Variants in SLC23A2 observed in about 807,000 individuals in gnomAD.
SLC23A2 encodes Na(+)/L-ascorbic acid transporter 2.
SLC23A2 carries 36 observed loss-of-function variants against 73.3 expected under a neutral mutation model. That is an observed-to-expected ratio of 0.49 (90% CI 0.38 to 0.65). The LOEUF (loss-of-function observed/expected upper bound fraction) is 0.65, where lower values mean the gene tolerates loss of function less well. Among genes scored for constraint, SLC23A2 ranks in the 30% least tolerant of loss-of-function variants. SLC23A2 has a pLI of 0.00. For missense variants in SLC23A2, 507 were observed against 841.6 expected (o/e 0.60, Z 4.92); for synonymous variants, 343 against 327.3 (o/e 1.05, Z -0.52).
At chr20:4,879,844 A>G in intron 9 of SLC23A2, among the ~76,000 whole-genome samples, 1 of 152,258 alleles carries the variant, frequency 6.6e-6, no homozygotes, top group East Asian at 1.9e-4. Context: ...TCTAAGGAAT[A>G]GTCTGTCAAG....
intron 5 of SLC23A2, among the ~76,000 whole-genome samples, chr20:4,900,716 C>G (rs945232163): frequency 6.6e-6 from 1 of 152,200 alleles, no homozygotes; most frequent in East Asian, 1.9e-4. Context: ...CCAGAAAGAA[C>G]CCCATCCCAC....
At chr20:4,977,221 T>C (rs1239198560) in intron 1 of SLC23A2, among the ~76,000 whole-genome samples, 1 of 152,062 alleles carries the variant, frequency 6.6e-6, no homozygotes, top group Non-Finnish European at 1.5e-5. Context: ...AGGCAGAACA[T>C]CTCTCTCTTT....
intron 2 of SLC23A2, among the ~76,000 whole-genome samples, chr20:4,941,241 C>T (rs191810861): frequency 1.3e-4 from 20 of 151,942 alleles, no homozygotes; most frequent in Admixed American, 6.6e-4. Flanking sequence ...AACAATACGT[C>T]GGTCAGGCAT....
In SLC23A2 at chr20:4,857,318, ACACAC is replaced by A; in HGVS notation, c.1721-119_1721-115del. The A allele has an allele frequency of 1.7e-6, 1 of 592,200 alleles. No individual in the cohort carries two copies. The highest frequency in any genetic ancestry group is 3.0e-6 in the Non-Finnish European group (1 of 334,484). 36.7% of individuals were successfully genotyped at this position (592,200 alleles called of 1,614,324 possible). A position where few individuals can be genotyped will look rare whatever the true frequency, so the allele number is the denominator to read the frequency against. On this transcript the variant is annotated intron_variant, in intron 16 of 16. Transcript: ENST00000338244. The surrounding 1 kb of genome is among the most constrained non-coding windows in gnomAD (Gnocchi z 4.0). ...CACACACACACACACACACACACAC[ACACAC>A]ACACACACACACATGGTCCCACAGA... is the stretch of plus-strand genomic sequence containing the variant.
At chr20:4,871,454 C>T (rs1930444664) in intron 11 of SLC23A2, among the ~76,000 whole-genome samples, 1 of 152,080 alleles carries the variant, frequency 6.6e-6, no homozygotes, top group Admixed American at 6.5e-5. Context: ...GAACGCAGAG[C>T]TCTCATGCAG....
At chr20:4,977,379 AT>A (rs879681786) in intron 1 of SLC23A2, among the ~76,000 whole-genome samples, 3 of 151,170 alleles carry the variant, frequency 2.0e-5, no homozygotes, top group South Asian at 2.1e-4. Flanking sequence ...TATTATTATT[AT>A]TTTTTTTTAA....
At chr20:4,966,768 A>G (rs1436350618) in intron 2 of SLC23A2, among the ~76,000 whole-genome samples, 1 of 149,166 alleles carries the variant, frequency 6.7e-6, no homozygotes. Context: ...CAGGGTAATC[A>G]TAAGATCACA....
Sources: allele counts gnomAD v4.1 joint callset (sites outside exome capture counted in the v4.1 genomes callset), GRCh38; gene constraint gnomAD v4.1.1; non-coding constraint Gnocchi (gnomAD v3.1); transcripts MANE v1.5; gene names NCBI Gene and HGNC (gene_info 2026-07-23, HGNC 2026-07-21).